MYO9A: variants seen among roughly 807,000 people sequenced by gnomAD.
The protein encoded by MYO9A is myosin IXA, also known as unconventional myosin-IXa.
MYO9A carries 103 observed loss-of-function variants against 293.3 expected under a neutral mutation model. That is an observed-to-expected ratio of 0.35 (90% CI 0.30 to 0.41). MYO9A has a LOEUF of 0.41. MYO9A is among the 10% of genes least tolerant of loss of function. MYO9A has a pLI of 1.00. For synonymous variants in MYO9A, 1,001 were observed against 1,035.7 expected (o/e 0.97, Z 0.64); for missense variants, 2,685 against 3,033.0 (o/e 0.89, Z 2.69).
At chr15:71,912,120 G>T (rs1216774994) in intron 19 of MYO9A, among the ~76,000 whole-genome samples, 1 of 152,034 alleles carries the variant, frequency 6.6e-6, no homozygotes, top group Admixed American at 6.6e-5. Flanking sequence ...TCTGTATAGT[G>T]TAAAAGCTTA....
intron 29 of MYO9A, 35 bp from the exon 30 acceptor site, chr15:71,879,872 A>G: frequency 7.3e-7 from 1 of 1,361,378 alleles, no homozygotes; most frequent in Non-Finnish European, 1.0e-6. Context: ...GTACACAATC[A>G]ACTAATTGAA....
In MYO9A at chr15:71,823,335, A is replaced by C. The variant is rs1567165633; in HGVS notation, c.*3245T>G. On this transcript the variant is annotated 3_prime_UTR_variant, in exon 42 of 42. Transcript: ENST00000356056. ...ACCCTCTGTTTTTGATGGAGAAAAC[A>C]ACGCTACTGTTATGAAACACAGAAT... 1.3e-5 allele frequency: 2 copies of C among 152,234 alleles called. No homozygotes were observed. The highest frequency in any genetic ancestry group is 2.9e-5 in the Non-Finnish European group (2 of 68,054). 9.4% of individuals were successfully genotyped at this position (152,234 alleles called of 1,614,324 possible).
At chr15:71,983,472 T>A (rs1344225006) in intron 11 of MYO9A, among the ~76,000 whole-genome samples, 3 of 128,624 alleles carry the variant, frequency 2.3e-5, no homozygotes, top group Admixed American at 7.6e-5. Flanking sequence ...TTTTATTTCT[T>A]TTTTTTTTTT....
intron 8 of MYO9A, among the ~76,000 whole-genome samples, chr15:72,006,255 T>TG (rs1387773200): frequency 1.5e-3 from 225 of 151,932 alleles, no homozygotes; most frequent in Non-Finnish European, 1.9e-3. Context: ...TGTGTTTTTT[T>TG]TTTGTTGTTG....
At chr15:72,083,652 G>A (rs955488499) in intron 1 of MYO9A, among the ~76,000 whole-genome samples, 1 of 152,142 alleles carries the variant, frequency 6.6e-6, no homozygotes, top group African/African-American at 2.4e-5. Flanking sequence ...AGTGCTGTAA[G>A]TTTTCCTCTT....
intron 13 of MYO9A, among the ~76,000 whole-genome samples, chr15:71,961,922 C>T (rs1047689951): frequency 1.3e-5 from 2 of 151,982 alleles, no homozygotes; most frequent in Admixed American, 1.3e-4. Context: ...CAGAGTCTTG[C>T]CATGTTGCCC....
intron 9 of MYO9A, among the ~76,000 whole-genome samples, chr15:71,996,752 A>C (rs896960530): frequency 6.6e-6 from 1 of 152,052 alleles, no homozygotes; most frequent in Admixed American, 6.6e-5. Context: ...CAAAGCAAAT[A>C]TCATTCTCAC....
At chr15:72,101,449 C>T (rs1376029139) in intron 1 of MYO9A, among the ~76,000 whole-genome samples, 1 of 129,192 alleles carries the variant, frequency 7.7e-6, no homozygotes, top group Non-Finnish European at 1.7e-5. Context: ...CCAGCCGCCC[C>T]GTCCGGGAGG....
At chr15:72,011,537 G>A (rs1458651453) in intron 6 of MYO9A, among the ~76,000 whole-genome samples, 2 of 151,970 alleles carry the variant, frequency 1.3e-5, no homozygotes, top group Non-Finnish European at 2.9e-5. Flanking sequence ...TGAGGTAGGA[G>A]GATTGCTTGA....
chr15:72,019,002 T>C, intron 6 of MYO9A, 37 bp downstream of exon 6: 1 of 1,575,770 alleles, frequency 6.3e-7, no homozygotes, highest in Non-Finnish European at 8.7e-7. Context: ...GAGGACCCTT[T>C]GACAGAAACA....
intron 7 of MYO9A, among the ~76,000 whole-genome samples, chr15:72,009,528 CAG>C (rs2077113472): frequency 6.6e-6 from 1 of 150,928 alleles, no homozygotes; most frequent in African/African-American, 2.4e-5. Flanking sequence ...AATTCAAGAC[CAG>C]CATAGGCAAC....
intron 31 of MYO9A, among the ~76,000 whole-genome samples, chr15:71,876,157 T>G (rs888881833): frequency 1.3e-5 from 2 of 151,828 alleles, no homozygotes; most frequent in African/African-American, 4.8e-5. Context: ...GATTTTTTTT[T>G]TTTTTTGAGA....
At chr15:72,070,405 A>G (rs2150157240) in intron 1 of MYO9A, among the ~76,000 whole-genome samples, 2 of 151,230 alleles carry the variant, frequency 1.3e-5, no homozygotes, top group Non-Finnish European at 2.9e-5. Context: ...GTGAGCAGAG[A>G]TTGTGCCACT....
At chr15:71,839,963 G>C (rs2055085897) in intron 39 of MYO9A, among the ~76,000 whole-genome samples, 1 of 152,122 alleles carries the variant, frequency 6.6e-6, no homozygotes, top group African/African-American at 2.4e-5. Flanking sequence ...TTCCTTGTCT[G>C]TGTAAGAACT....
At chr15:72,101,234 G>A (rs1455368531) in intron 1 of MYO9A, among the ~76,000 whole-genome samples, 4 of 134,176 alleles carry the variant, frequency 3.0e-5, no homozygotes, top group Admixed American at 7.2e-5. Flanking sequence ...CCCCGTCCGG[G>A]AGGGAGGTGG....
chr15:72,113,651 C>A (rs1357113130), intron 1 of MYO9A, among the ~76,000 whole-genome samples: 3 of 152,204 alleles, frequency 2.0e-5, no homozygotes, highest in Non-Finnish European at 2.9e-5. Context: ...GGGCCATGCT[C>A]ACAACCCCAT....
At position 71,923,978 on chromosome 15, in the gene MYO9A, T is replaced by C. The variant is rs539451708; in HGVS notation, c.2563-7486A>G. On this transcript the variant is annotated intron_variant, in intron 18 of 41. Transcript: ENST00000356056. Reference sequence around the variant, plus strand: ...CTTTCTCACTTACTAACGTAGACAATTATTGCTATAAACTTCCCCATTAGA... The same window carrying C: ...CTTTCTCACTTACTAACGTAGACAACTATTGCTATAAACTTCCCCATTAGA... 3.9e-5 allele frequency among the ~76,000 whole-genome samples: 6 copies of C among 152,272 alleles called. No homozygotes were observed. The South Asian group carries it at 1.2e-3, about 32-fold the overall frequency.
chr15:72,018,150 C>T (rs992727562), intron 6 of MYO9A, among the ~76,000 whole-genome samples: 1 of 151,884 alleles, frequency 6.6e-6, no homozygotes, highest in African/African-American at 2.4e-5. Context: ...TTACATCATA[C>T]ATCCCCTTAA....
intron 39 of MYO9A, among the ~76,000 whole-genome samples, chr15:71,833,193 T>C (rs1189480856): frequency 6.6e-6 from 1 of 151,660 alleles, no homozygotes; most frequent in Non-Finnish European, 1.5e-5. Context: ...CTATTAAAAT[T>C]TGAAGATTGT....
Sources: allele counts gnomAD v4.1 joint callset (sites outside exome capture counted in the v4.1 genomes callset), GRCh38; gene constraint gnomAD v4.1.1; transcripts MANE v1.5; gene names NCBI Gene and HGNC (gene_info 2026-07-23, HGNC 2026-07-21).